The following FIP1L1 variants were observed in gnomAD, a reference collection of about 807,000 sequenced individuals.
FIP1L1 encodes the protein pre-mRNA 3'-end-processing factor FIP1.
Under a neutral mutation model 84.6 loss-of-function variants are expected in FIP1L1, and 21 were observed. The ratio of observed to expected loss-of-function variants is 0.25; its 90% CI spans 0.18 to 0.36. FIP1L1 has a LOEUF of 0.36. Among genes scored for constraint, FIP1L1 ranks in the 10% least tolerant of loss-of-function variants. The pLI, the probability that FIP1L1 is intolerant of heterozygous loss-of-function variation, is 1.00. For missense variants in FIP1L1, 526 were observed against 751.1 expected (o/e 0.70, Z 3.50); for synonymous variants, 263 against 242.3 (o/e 1.09, Z -0.80).
Position 53,377,934 on chromosome 4 carries a change from T to C in FIP1L1, c.85+11T>C. ...AGTGGCTCTATGGCGGTACGAAACT[T>C]CCTGTCTCTGTCTCTCGGGTTCTCT... is the stretch of plus-strand genomic sequence containing the variant. On this transcript the variant is annotated intron_variant, in intron 1 of 17. Coordinates refer to ENST00000337488, the MANE Select transcript of FIP1L1 (RefSeq NM_030917.4). 6.3e-7 allele frequency: 1 copy of C among 1,577,374 alleles called. No homozygotes were observed. Among genetic ancestry groups the C allele is most frequent in the Non-Finnish European group, 8.6e-7 (1 of 1,160,788 alleles).
chr4:53,440,186 C>T (rs1226107136), intron 13 of FIP1L1, among the ~76,000 whole-genome samples: 1 of 151,998 alleles, frequency 6.6e-6, no homozygotes, highest in Non-Finnish European at 1.5e-5. Context: ...CTTGTACTAC[C>T]TGCAGTATTA....
intron 12 of FIP1L1, among the ~76,000 whole-genome samples, chr4:53,427,141 T>A (rs1764652859): frequency 6.6e-6 from 1 of 152,204 alleles, no homozygotes; most frequent in Non-Finnish European, 1.5e-5. Context: ...AAGAAATAGC[T>A]TATCAGCATA....
intron 13 of FIP1L1, among the ~76,000 whole-genome samples, chr4:53,430,658 T>G (rs1318241233): frequency 6.6e-6 from 1 of 152,158 alleles, no homozygotes; most frequent in Non-Finnish European, 1.5e-5. Context: ...ATGTAACCTT[T>G]GTTCATAAGT....
At chr4:53,446,810 A>G (rs1268697131) in intron 15 of FIP1L1, among the ~76,000 whole-genome samples, 4 of 152,152 alleles carry the variant, frequency 2.6e-5, no homozygotes, top group Non-Finnish European at 4.4e-5. Context: ...ATTACAGAAT[A>G]TTTTATTTTT....
chr4:53,403,785 C>T (rs750729840), intron 10 of FIP1L1, among the ~76,000 whole-genome samples: 7 of 152,140 alleles, frequency 4.6e-5, no homozygotes, highest in Non-Finnish European at 7.3e-5. Flanking sequence ...ATGCCGGCTG[C>T]AGGCATTGCA....
rs769725118 is a variant in FIP1L1, at chr4:53,452,924, C to A, written c.1290C>A (p.Ala430=). 1 of 1,611,792 alleles carries A rather than the reference C, an allele frequency of 6.2e-7. No individual in the cohort carries two copies. Among genetic ancestry groups the A allele is most frequent in the South Asian group, 1.1e-5 (1 of 90,944 alleles). The change falls in exon 16 of 18, where the codon GCC becomes GCA. Residue 430 remains alanine (A), a synonymous_variant. Coordinates refer to ENST00000337488, the MANE Select transcript of FIP1L1 (RefSeq NM_030917.4). ...SARAFPYGNV[A]FPHLPGSAPS... is the part of the protein sequence containing the mutation. ...TTAATCGTGTTTTTTCTTTAGTTGC[C>A]TTTCCCCATCTTCCTGGTTCTGCTC... is the stretch of plus-strand genomic sequence containing the variant.
rs371406567 is a variant in FIP1L1, at chr4:53,458,653, C to T, written c.1500C>T (p.Ser500=). Residue 500 remains serine, a splice_region_variant and synonymous_variant, in exon 17 of 18, where the codon AGC becomes AGT. Transcript: ENST00000337488. ...DHSPTPSVFN[S]DEERYRYREY... is the part of the protein sequence containing the mutation. ...GAAAACATTTCTATTTCAATTTCAG[C>T]GATGAAGAACGATACAGATACAGGG... 9.4e-6 allele frequency: 15 copies of T among 1,603,974 alleles called. No individual in the cohort carries two copies. The highest frequency in any genetic ancestry group is 8.1e-5 in the African/African-American group (6 of 74,300).
intron 13 of FIP1L1, chr4:53,440,506 G>A (rs1161592157): frequency 3.3e-6 from 3 of 902,778 alleles, no homozygotes; most frequent in Non-Finnish European, 5.2e-6. Flanking sequence ...TTCAAAGTTT[G>A]TTTTGGTGAT....
intron 10 of FIP1L1, among the ~76,000 whole-genome samples, chr4:53,406,691 A>G (rs544562179): frequency 2.0e-5 from 3 of 152,170 alleles, no homozygotes; most frequent in South Asian, 2.1e-4. Context: ...TTCAGAGCCT[A>G]TTATTGGTCT....
chr4:53,383,669 A>G (rs557356309), intron 4 of FIP1L1, 104 bp from the exon 5 acceptor site: 1 of 1,163,722 alleles, frequency 8.6e-7, no homozygotes, highest in Non-Finnish European at 1.2e-6. Context: ...CTCAAGACAG[A>G]AGAAAGAAAA....
At chr4:53,408,052 T>C (rs189370353) in intron 10 of FIP1L1, among the ~76,000 whole-genome samples, 1 of 152,204 alleles carries the variant, frequency 6.6e-6, no homozygotes, top group East Asian at 1.9e-4. Flanking sequence ...GTTAGCTGGT[T>C]ATTTTGCTCG....
Position 53,383,753 on chromosome 4 carries a change from A to G in FIP1L1, c.229-20A>G. 1 of 1,583,912 alleles carries G rather than the reference A, an allele frequency of 6.3e-7. No homozygotes were observed. ...AATGGATTACTGAATGTATTTTATA[A>G]TTTGTTTATGTTCATGTAGAAAGTG... On this transcript the variant is annotated intron_variant, in intron 4 of 17. Coordinates refer to ENST00000337488, the MANE Select transcript of FIP1L1 (RefSeq NM_030917.4).
intron 10 of FIP1L1, among the ~76,000 whole-genome samples, chr4:53,406,164 T>C (rs1347270774): frequency 6.6e-6 from 1 of 152,214 alleles, no homozygotes; most frequent in Non-Finnish European, 1.5e-5. Context: ...ATAGCTCTTA[T>C]TATTTTGAGA....
intron 2 of FIP1L1, 22 bp downstream of exon 2, chr4:53,379,139 T>A: frequency 2.5e-6 from 4 of 1,613,214 alleles, no homozygotes; most frequent in Non-Finnish European, 2.5e-6. Flanking sequence ...TGATGATCAC[T>A]TCAGATTTTC....
intron 6 of FIP1L1, 41 bp from the exon 7 acceptor site, chr4:53,390,480 T>G: frequency 7.6e-7 from 1 of 1,316,442 alleles, no homozygotes; most frequent in South Asian, 1.2e-5. Flanking sequence ...GCCTGGCTTC[T>G]TGCAAGTATA....
intron 11 of FIP1L1, among the ~76,000 whole-genome samples, chr4:53,424,421 G>A (rs1487256812): frequency 6.6e-6 from 1 of 152,080 alleles, no homozygotes; most frequent in Admixed American, 6.6e-5. Flanking sequence ...TTCCCCAGCT[G>A]TATTGGAGGA....
chr4:53,399,063 G>C (rs1180082656), intron 9 of FIP1L1, among the ~76,000 whole-genome samples: 1 of 152,170 alleles, frequency 6.6e-6, no homozygotes, highest in African/African-American at 2.4e-5. Flanking sequence ...TGAGGCAAGA[G>C]AATCACTTTA....
At chr4:53,410,363 A>G (rs577809485) in intron 10 of FIP1L1, among the ~76,000 whole-genome samples, 105 of 152,216 alleles carry the variant, frequency 6.9e-4, no homozygotes, top group Non-Finnish European at 1.4e-3. Flanking sequence ...GTGTAGTTGT[A>G]AGAGGATCAA....
chr4:53,448,963 GTTGT>G (rs1008719983), intron 15 of FIP1L1, among the ~76,000 whole-genome samples: 11 of 152,038 alleles, frequency 7.2e-5, no homozygotes, highest in African/African-American at 2.2e-4. Context: ...TTCAGAAATA[GTTGT>G]TTGGTTGGTT....
Sources: allele counts gnomAD v4.1 joint callset (sites outside exome capture counted in the v4.1 genomes callset), GRCh38; gene constraint gnomAD v4.1.1; transcripts MANE v1.5; gene names NCBI Gene and HGNC (gene_info 2026-07-23, HGNC 2026-07-21).